Variants in DISP3 observed in about 807,000 individuals in gnomAD.
DISP3 encodes protein dispatched homolog 3.
Under a neutral mutation model 135.3 loss-of-function variants are expected in DISP3, and 101 were observed. The observed-to-expected ratio is 0.75, with a 90% CI of 0.64 to 0.88. The LOEUF is 0.88. Ranked by LOEUF, DISP3 falls within the 40% of genes least tolerant of loss-of-function variation. DISP3 has a pLI of 0.00. For missense variants in DISP3, 1,713 were observed against 1,878.6 expected (o/e 0.91, Z 1.63); for synonymous variants, 856 against 817.0 (o/e 1.05, Z -0.81).
chr1:11,536,889 A>G lies in DISP3; in HGVS notation c.*203A>G, dbSNP rs2100524610. 1.4e-6 allele frequency: 1 copy of G among 717,946 alleles called. No homozygotes were observed. Among genetic ancestry groups the G allele is most frequent in the South Asian group, 2.2e-5 (1 of 45,782 alleles). 44.5% of individuals were successfully genotyped at this position (717,946 alleles called of 1,614,324 possible). A position where few individuals can be genotyped will look rare whatever the true frequency, so the allele number is the denominator to read the frequency against. Reference sequence around the variant, plus strand: ...GAGTTGGAGACAGCCGCCACCCCACAGGCCGGGCTACTGGCAGCCACACTC... The same window carrying G: ...GAGTTGGAGACAGCCGCCACCCCACGGGCCGGGCTACTGGCAGCCACACTC... On this transcript the variant is annotated 3_prime_UTR_variant, in exon 21 of 21. Coordinates refer to ENST00000294484, the MANE Select transcript of DISP3 (RefSeq NM_020780.2). The surrounding 1 kb of genome is among the most constrained non-coding windows in gnomAD (Gnocchi z 4.3).
chr1:11,504,072 A>C (rs1570095540), intron 3 of DISP3, among the ~76,000 whole-genome samples: 1 of 152,290 alleles, frequency 6.6e-6, no homozygotes, highest in South Asian at 2.1e-4. Flanking sequence ...CATCTGCCTG[A>C]AACACCCTCA....
Position 11,483,759 on chromosome 1 carries a change from G to A in DISP3, c.-4+4387G>A, listed in dbSNP as rs1172332686. On this transcript the variant is annotated intron_variant, in intron 1 of 20. Transcript: ENST00000294484. This position sits in a 1 kb window ranked among gnomAD's most constrained non-coding sequence, Gnocchi z 5.4. ...GCTTCTGAGCCATGGCTGGGCCGGAGCTGAGTCCCCGTGAGAGTCTGGAAT... is the reference window on the plus strand; with the variant it reads ...GCTTCTGAGCCATGGCTGGGCCGGAACTGAGTCCCCGTGAGAGTCTGGAAT... 6.6e-6 allele frequency among the ~76,000 whole-genome samples: 1 copy of A among 152,224 alleles called. No individual in the cohort carries two copies. Among genetic ancestry groups the A allele is most frequent in the African/African-American group, 2.4e-5 (1 of 41,450 alleles).
chr1:11,501,893 A>G lies in DISP3; in HGVS notation c.901A>G (p.Ile301Val), dbSNP rs779120075. ...TGAGCGCCTGGTCACGATCCATGAG[A>G]TCGAGCGCAAGATCATGGACCACCC... ...TSERLVTIHE[I>V]ERKIMDHPGF... The change falls in exon 2 of 21, where the codon ATC (isoleucine) becomes GTC (valine). Residue 301 changes from isoleucine (I) to valine (V), a missense_variant. This residue lies in a region of DISP3 where 571 missense variants were observed against 494.1 expected (regional missense o/e 1.16). Coordinates refer to ENST00000294484, the MANE Select transcript of DISP3 (RefSeq NM_020780.2). The surrounding 1 kb of genome is among the most constrained non-coding windows in gnomAD (Gnocchi z 4.9). 23 of 1,613,246 alleles carry G rather than the reference A, an allele frequency of 1.4e-5. No individual in the cohort carries two copies. The highest frequency in any genetic ancestry group is 1.9e-5 in the Non-Finnish European group (22 of 1,179,778).
rs530637230 is a variant in DISP3, at chr1:11,518,045, C to T, written c.1889+443C>T. Reference sequence around the variant, plus strand: ...GTTCTCATCTTTAGATGTAGTGAGACGTGTGCAGAGTTGAACGGGTCAGTT... The same window carrying T: ...GTTCTCATCTTTAGATGTAGTGAGATGTGTGCAGAGTTGAACGGGTCAGTT... On this transcript the variant is annotated intron_variant, in intron 7 of 20. Transcript: ENST00000294484. Among the ~76,000 whole-genome samples, 30 of 152,240 alleles carry T rather than the reference C, an allele frequency of 2.0e-4. 1 individual carries two copies. In the South Asian group the frequency reaches 6.2e-3, roughly 32 times the overall value.
chr1:11,522,761 A>ACCCAGCCAGAGCCCAGCCAGAG (rs1642264632), intron 10 of DISP3, among the ~76,000 whole-genome samples: 3 of 15,638 alleles, frequency 1.9e-4, no homozygotes, highest in African/African-American at 5.2e-4. Flanking sequence ...CCCAGCCAGG[A>ACCCAGCCAGAGCCCAGCCAGAG]CCCAGCCAGG....
At chr1:11,489,816 G>T (rs1641133467) in intron 1 of DISP3, among the ~76,000 whole-genome samples, 1 of 152,128 alleles carries the variant, frequency 6.6e-6, no homozygotes, top group South Asian at 2.1e-4. Context: ...CACCTCCCTT[G>T]CCCCCAAGCT....
rs1366232587 is a variant in DISP3, at chr1:11,537,449, ACT to A, written c.*766_*767del. The A allele has an allele frequency of 6.6e-6, 1 of 152,020 alleles. No homozygotes were observed. The highest frequency in any genetic ancestry group is 2.4e-5 in the African/African-American group (1 of 41,366). 9.4% of individuals were successfully genotyped at this position (152,020 alleles called of 1,614,324 possible). A position where few individuals can be genotyped will look rare whatever the true frequency, so the allele number is the denominator to read the frequency against. ...TCTAAGCCCCTGTCTTTCCCACCTG[ACT>A]CTGAGTGGATGTTTTGGGGGATGGC... On this transcript the variant is annotated 3_prime_UTR_variant, in exon 21 of 21. Transcript: ENST00000294484.
At chr1:11,496,913 C>T (rs1010554144) in intron 1 of DISP3, among the ~76,000 whole-genome samples, 2 of 152,200 alleles carry the variant, frequency 1.3e-5, no homozygotes, top group African/African-American at 4.8e-5. Context: ...CCAGGGCCAC[C>T]CAGAAAGCTG....
chr1:11,486,174 C>T (rs1641030853), intron 1 of DISP3, among the ~76,000 whole-genome samples: 1 of 152,168 alleles, frequency 6.6e-6, no homozygotes, highest in South Asian at 2.1e-4. Flanking sequence ...TCCCCCTTTT[C>T]CTTCCATGTA....
Position 11,516,262 on chromosome 1 carries a change from G to T in DISP3, c.1749+101G>T. ...CCACCACCGCTTGAGTGGCCATATA[G>T]CCTTCACCTCAAGGTACTTGCCCTG... On this transcript the variant is annotated intron_variant, in intron 6 of 20. Coordinates refer to ENST00000294484, the MANE Select transcript of DISP3 (RefSeq NM_020780.2). The surrounding 1 kb of genome is among the most constrained non-coding windows in gnomAD (Gnocchi z 5.1). The T allele has an allele frequency of 7.1e-7, 1 of 1,402,456 alleles. No homozygotes were observed. The highest frequency in any genetic ancestry group is 9.7e-7 in the Non-Finnish European group (1 of 1,026,134). 86.9% of individuals were successfully genotyped at this position (1,402,456 alleles called of 1,614,324 possible).
At position 11,536,484 on chromosome 1, in the gene DISP3, CG is replaced by C. The variant is rs1557625616; in HGVS notation, c.3980del (p.Gly1327AlafsTer8). On this transcript the variant is annotated frameshift_variant, in exon 21 of 21. Coordinates refer to ENST00000294484, the MANE Select transcript of DISP3 (RefSeq NM_020780.2). LOFTEE classifies it high-confidence loss of function. The surrounding 1 kb of genome is among the most constrained non-coding windows in gnomAD (Gnocchi z 4.3). The part of the protein sequence containing the change: ...AKFGKIVALN[T>X]GVSILYTLTV... ...TTCGGCAAGATTGTGGCACTCAACA[CG>C]GGCGTGTCCATCCTCTACACGCTGA... 1 of 1,613,530 alleles carries C rather than the reference CG, an allele frequency of 6.2e-7. No individual in the cohort carries two copies. Among genetic ancestry groups the C allele is most frequent in the East Asian group, 2.2e-5 (1 of 44,890 alleles).
chr1:11,526,859 C>T lies in DISP3; in HGVS notation c.2798+24C>T, dbSNP rs777550641. The T allele has an allele frequency of 2.1e-5, 33 of 1,587,168 alleles. No homozygotes were observed. The East Asian group carries it at 2.2e-4, about 11-fold the overall frequency. ...CGGTAACAGAGCCTGGCAGACAAGC[C>T]GGTGCCCATCAGCCCGGCTGCTTCT... On this transcript the variant is annotated intron_variant, in intron 13 of 20. Coordinates refer to ENST00000294484, the MANE Select transcript of DISP3 (RefSeq NM_020780.2).
chr1:11,491,918 C>T lies in DISP3; in HGVS notation c.-3-9072C>T, dbSNP rs955455072. Among the ~76,000 whole-genome samples, 6 of 151,338 alleles carry T rather than the reference C, an allele frequency of 4.0e-5. No homozygotes were observed. The highest frequency in any genetic ancestry group is 5.9e-5 in the Non-Finnish European group (4 of 67,842). ...CGGGCGGATCACGAGGTCAGGAGATCGAGACCATCCCGGCTAAAACGGTGA... is the reference window on the plus strand; with the variant it reads ...CGGGCGGATCACGAGGTCAGGAGATTGAGACCATCCCGGCTAAAACGGTGA... On this transcript the variant is annotated intron_variant, in intron 1 of 20. Transcript: ENST00000294484. The surrounding 1 kb of genome is among the most constrained non-coding windows in gnomAD (Gnocchi z 4.3).
In DISP3 at chr1:11,536,742, C is replaced by A; in HGVS notation, c.*56C>A. 4.8e-6 allele frequency: 7 copies of A among 1,459,530 alleles called. No homozygotes were observed. The highest frequency in any genetic ancestry group is 5.4e-6 in the Non-Finnish European group (6 of 1,109,924). The allele number at this position is 1,459,530 out of a possible 1,614,324, so 90.4% of individuals were successfully genotyped here. On this transcript the variant is annotated 3_prime_UTR_variant, in exon 21 of 21. Coordinates refer to ENST00000294484, the MANE Select transcript of DISP3 (RefSeq NM_020780.2). This position sits in a 1 kb window ranked among gnomAD's most constrained non-coding sequence, Gnocchi z 4.3. The stretch of plus-strand genomic sequence containing the variant: ...TGGTCCCATGGGTGGGGGACAGGAG[C>A]TGCTTCCCAGCTCGACTTCAGCTAG...
intron 1 of DISP3, among the ~76,000 whole-genome samples, chr1:11,489,070 A>T (rs1324222940): frequency 6.6e-6 from 1 of 152,204 alleles, no homozygotes; most frequent in African/African-American, 2.4e-5. Context: ...TGGTCTCCTC[A>T]GCCCTTCACA....
In DISP3 at chr1:11,536,174, C is replaced by T; in HGVS notation, c.3817-150C>T. Reference sequence around the variant, plus strand: ...TGCCATAGCAACACCTACCTGGTTCCTACCCTCCCAACCCTGGGAGGCCAC... The same window carrying T: ...TGCCATAGCAACACCTACCTGGTTCTTACCCTCCCAACCCTGGGAGGCCAC... On this transcript the variant is annotated intron_variant, in intron 20 of 20. Transcript: ENST00000294484. This position sits in a 1 kb window ranked among gnomAD's most constrained non-coding sequence, Gnocchi z 4.3. 5 of 1,169,672 alleles carry T rather than the reference C, an allele frequency of 4.3e-6. No homozygotes were observed. In the South Asian group the frequency reaches 6.4e-5, roughly 15 times the overall value. The allele number at this position is 1,169,672 out of a possible 1,614,324, so 72.5% of individuals were successfully genotyped here. A position where few individuals can be genotyped will look rare whatever the true frequency, so the allele number is the denominator to read the frequency against.
rs377582224 is a variant in DISP3 at position 11,535,129 on chromosome 1, G to C, written c.3649+5G>C. 9 of 1,595,682 alleles carry C rather than the reference G, an allele frequency of 5.6e-6. No homozygotes were observed. In the South Asian group the frequency reaches 7.9e-5, roughly 14 times the overall value. On this transcript the variant is annotated splice_donor_5th_base_variant and intron_variant, in intron 19 of 20. Transcript: ENST00000294484. ...CCGTGCTCCTCAGCATCTTGGGTAC[G>C]TGGGCGAGGGGCTGGCAGGCACCCT...
At chr1:11,508,272 G>T (rs1641759161) in intron 3 of DISP3, among the ~76,000 whole-genome samples, 1 of 152,062 alleles carries the variant, frequency 6.6e-6, no homozygotes, top group Non-Finnish European at 1.5e-5. Context: ...ACAAAAATTA[G>T]CCAGGCATGG....
intron 1 of DISP3, among the ~76,000 whole-genome samples, chr1:11,492,378 G>A (rs1304696916): frequency 6.6e-6 from 1 of 152,126 alleles, no homozygotes; most frequent in Admixed American, 6.5e-5. Flanking sequence ...GGCAAAGCTT[G>A]TTTGCCTGAT....
Sources: allele counts gnomAD v4.1 joint callset (sites outside exome capture counted in the v4.1 genomes callset), GRCh38; gene constraint gnomAD v4.1.1; regional missense constraint gnomAD v4.1.1; non-coding constraint Gnocchi (gnomAD v3.1); transcripts MANE v1.5; gene names NCBI Gene and HGNC (gene_info 2026-07-23, HGNC 2026-07-21).